ADAMTS20: variants seen among roughly 807,000 people sequenced by gnomAD.
The protein encoded by ADAMTS20 is ADAM metallopeptidase with thrombospondin type 1 motif 20.
ADAMTS20 carries 225 observed loss-of-function variants against 260.1 expected under a neutral mutation model. The ratio of observed to expected loss-of-function variants is 0.87; its 90% CI spans 0.78 to 0.97. ADAMTS20 has a LOEUF of 0.97. ADAMTS20 is among the 50% of genes least tolerant of loss of function. The probability of loss-of-function intolerance (pLI) is 0.00; values close to 1 mark genes in which losing one functional copy is unlikely to be tolerated. For missense variants in ADAMTS20, 2,400 were observed against 2,337.7 expected (o/e 1.03, Z -0.55); for synonymous variants, 802 against 769.5 (o/e 1.04, Z -0.70).
At chr12:43,421,138 T>C (rs1021015504) in intron 28 of ADAMTS20, among the ~76,000 whole-genome samples, 1 of 151,984 alleles carries the variant, frequency 6.6e-6, no homozygotes, top group Non-Finnish European at 1.5e-5. Context: ...GTGCTTCTAT[T>C]TGTTGCATTC....
Position 43,399,051 on chromosome 12 carries a change from A to T in ADAMTS20, c.4452+15T>A. ...AAAAAAATACATATATAATTATAAA[A>T]TATACATCATATACCTCATTCCAGC... On this transcript the variant is annotated intron_variant, in intron 29 of 38. Coordinates refer to ENST00000389420, the MANE Select transcript of ADAMTS20 (RefSeq NM_025003.5). The T allele has an allele frequency of 7.4e-7, 1 of 1,354,206 alleles. No individual in the cohort carries two copies. The highest frequency in any genetic ancestry group is 2.8e-5 in the East Asian group (1 of 35,100). 83.9% of individuals were successfully genotyped at this position (1,354,206 alleles called of 1,614,324 possible). A position where few individuals can be genotyped will look rare whatever the true frequency, so the allele number is the denominator to read the frequency against.
At chr12:43,414,626 C>G (rs1243230214) in intron 28 of ADAMTS20, among the ~76,000 whole-genome samples, 1 of 152,048 alleles carries the variant, frequency 6.6e-6, no homozygotes, top group Admixed American at 6.5e-5. Flanking sequence ...ACTACAACCA[C>G]AAAGAAATAC....
chr12:43,495,914 A>C (rs1942671386), intron 4 of ADAMTS20, among the ~76,000 whole-genome samples: 1 of 152,166 alleles, frequency 6.6e-6, no homozygotes, highest in African/African-American at 2.4e-5. Context: ...AAGTGCTCAT[A>C]TAGGATATAC....
chr12:43,373,499 T>C (rs1422423741), intron 36 of ADAMTS20, among the ~76,000 whole-genome samples: 1 of 151,896 alleles, frequency 6.6e-6, no homozygotes, highest in Non-Finnish European at 1.5e-5. Context: ...AAGAATAGCT[T>C]ATGAGCTAAA....
intron 3 of ADAMTS20, among the ~76,000 whole-genome samples, chr12:43,524,425 A>G (rs1943113421): frequency 6.6e-6 from 1 of 152,138 alleles, no homozygotes; most frequent in South Asian, 2.1e-4. Context: ...CCAGAAAAAT[A>G]ATTCTGGTAA....
intron 11 of ADAMTS20, among the ~76,000 whole-genome samples, chr12:43,460,988 A>ATATATATATATATATATATTTTT: frequency 1.5e-4 from 4 of 26,396 alleles, no homozygotes; most frequent in Non-Finnish European, 2.7e-4. Flanking sequence ...ATATATATAT[A>ATATATATATATATATATATTTTT]TTTTTTTTTT....
intron 18 of ADAMTS20, among the ~76,000 whole-genome samples, chr12:43,438,140 G>A (rs908211029): frequency 2.0e-5 from 3 of 152,118 alleles, no homozygotes; most frequent in East Asian, 1.9e-4. Flanking sequence ...CCCTGCACGC[G>A]ATTGTTTAAG....
chr12:43,359,301 AGAG>A (rs1364099855), intron 37 of ADAMTS20, among the ~76,000 whole-genome samples: 1 of 152,260 alleles, frequency 6.6e-6, no homozygotes, highest in Non-Finnish European at 1.5e-5. Context: ...GGTATAAGAT[AGAG>A]GAGAAGCATA....
Position 43,551,005 on chromosome 12 carries a change from G to T in ADAMTS20, c.357C>A (p.Ser119Arg). ...GGCGCAGGTCCGAGGGCCCTGCGTCGCTCTCCCAGGCCCCGCGCTCCGGGG... is the reference window on the plus strand; with the variant it reads ...GGCGCAGGTCCGAGGGCCCTGCGTCTCTCTCCCAGGCCCCGCGCTCCGGGG... ...LGTPERGAWE[S>R]DAGPSDLRHC... Residue 119 changes from serine to arginine, a missense_variant, in exon 2 of 39, where the codon AGC becomes AGA. By Grantham distance (110) the Ser-to-Arg change is moderately radical. Transcript: ENST00000389420. This position sits in a 1 kb window ranked among gnomAD's most constrained non-coding sequence, Gnocchi z 4.6. The T allele has an allele frequency of 1.2e-6, 2 of 1,613,298 alleles. No individual in the cohort carries two copies. Among genetic ancestry groups the T allele is most frequent in the Middle Eastern group, 1.7e-4 (1 of 6,060 alleles).
At chr12:43,412,376 A>G (rs1301309587) in intron 28 of ADAMTS20, among the ~76,000 whole-genome samples, 3 of 152,260 alleles carry the variant, frequency 2.0e-5, no homozygotes, top group Admixed American at 2.0e-4. Flanking sequence ...ATGCACAACA[A>G]AGACCTTTTA....
At chr12:43,494,438 G>C (rs1318137387) in intron 4 of ADAMTS20, among the ~76,000 whole-genome samples, 2 of 152,160 alleles carry the variant, frequency 1.3e-5, no homozygotes, top group Non-Finnish European at 2.9e-5. Context: ...ACCAGAACTA[G>C]AGCCAAAAGC....
intron 28 of ADAMTS20, chr12:43,423,638 G>C: frequency 1.5e-6 from 1 of 676,912 alleles, no homozygotes. Context: ...ATGGAACAGA[G>C]ACACAGTAAG....
In ADAMTS20 at chr12:43,439,515, T is replaced by C. The variant is rs1166992686; in HGVS notation, c.2593+107A>G. 17 of 1,305,206 alleles carry C rather than the reference T, an allele frequency of 1.3e-5. 1 individual carries two copies. The highest frequency in any genetic ancestry group is 1.8e-5 in the Non-Finnish European group (17 of 950,542). 80.9% of individuals were successfully genotyped at this position (1,305,206 alleles called of 1,614,324 possible). ...AACTTTTGTATGTCTGTGGGATATG[T>C]GTATGGACAGTGGGGAGGATTCCAT... On this transcript the variant is annotated intron_variant, in intron 18 of 38. Transcript: ENST00000389420.
chr12:43,371,576 A>T (rs897102917), intron 36 of ADAMTS20, among the ~76,000 whole-genome samples: 1 of 152,222 alleles, frequency 6.6e-6, no homozygotes, highest in Non-Finnish European at 1.5e-5. Flanking sequence ...TATTTAGAAG[A>T]TAAATTTCAG....
At chr12:43,477,845 G>A (rs1037388394) in intron 7 of ADAMTS20, among the ~76,000 whole-genome samples, 1 of 152,160 alleles carries the variant, frequency 6.6e-6, no homozygotes, top group African/African-American at 2.4e-5. Context: ...AGGTGCATGT[G>A]GATGTTGAGT....
intron 28 of ADAMTS20, among the ~76,000 whole-genome samples, chr12:43,420,783 T>TCC (rs1941212270): frequency 3.5e-5 from 5 of 144,054 alleles, no homozygotes; most frequent in South Asian, 2.5e-4. Flanking sequence ...CTTCTTCTTC[T>TCC]TCTCCTCCTC....
At chr12:43,501,460 TACGCGCGC>T (rs1460844804) in intron 4 of ADAMTS20, among the ~76,000 whole-genome samples, 12 of 92,092 alleles carry the variant, frequency 1.3e-4, no homozygotes, top group Admixed American at 7.6e-4. Context: ...TGGAGGGGGA[TACGCGCGC>T]GCGCGCGCGC....
At chr12:43,538,216 G>T (rs1469630883) in intron 2 of ADAMTS20, among the ~76,000 whole-genome samples, 1 of 152,112 alleles carries the variant, frequency 6.6e-6, no homozygotes, top group Admixed American at 6.5e-5. Flanking sequence ...CATTTTCACT[G>T]GGGTGAGATG....
At chr12:43,519,117 C>T (rs940443468) in intron 3 of ADAMTS20, among the ~76,000 whole-genome samples, 1 of 152,050 alleles carries the variant, frequency 6.6e-6, no homozygotes, top group East Asian at 1.9e-4. Context: ...CCATATCTGA[C>T]AGTAGCTTCC....
Sources: gnomAD v4.1 joint callset for allele counts (sites outside exome capture counted in the v4.1 genomes callset) on GRCh38, gnomAD v4.1.1 for gene constraint, Gnocchi (gnomAD v3.1) non-coding constraint, MANE v1.5 for transcripts, NCBI Gene and HGNC (gene_info 2026-07-23, HGNC 2026-07-21) for gene names.